Variants in EYS observed in about 807,000 individuals in gnomAD.
The protein encoded by EYS is EGF-like photoreceptor maintenance factor, also known as protein eyes shut homolog.
EYS carries 250 observed loss-of-function variants against 282.1 expected under a neutral mutation model. That is an observed-to-expected ratio of 0.89 (90% CI 0.80 to 0.98). EYS has a LOEUF of 0.98. Among genes scored for constraint, EYS ranks in the 50% least tolerant of loss-of-function variants. The pLI is 0.00. For synonymous variants in EYS, 1,355 were observed against 1,282.9 expected (o/e 1.06, Z -1.20); for missense variants, 4,016 against 3,709.0 (o/e 1.08, Z -2.15).
intron 33 of EYS, among the ~76,000 whole-genome samples, chr6:64,052,023 T>C (rs1363072247): frequency 6.6e-6 from 1 of 152,156 alleles, no homozygotes; most frequent in Non-Finnish European, 1.5e-5. Flanking sequence ...AGGCATGAAG[T>C]TTCTTCATCA....
intron 29 of EYS, among the ~76,000 whole-genome samples, chr6:64,308,697 T>A (rs1195698821): frequency 6.6e-6 from 1 of 152,072 alleles, no homozygotes; most frequent in Non-Finnish European, 1.5e-5. Context: ...AGGATTAATA[T>A]ATTTCACTTT....
intron 12 of EYS, among the ~76,000 whole-genome samples, chr6:65,103,695 T>C (rs1038469633): frequency 6.6e-6 from 1 of 151,484 alleles, no homozygotes; most frequent in Non-Finnish European, 1.5e-5. Flanking sequence ...CTTATCCCAT[T>C]AGATCTTTTT....
chr6:65,696,324 G>A (rs1180310413), intron 1 of EYS, among the ~76,000 whole-genome samples: 1 of 151,916 alleles, frequency 6.6e-6, no homozygotes, highest in Non-Finnish European at 1.5e-5. Flanking sequence ...GGTTAAAAAT[G>A]TAAACTGATT....
chr6:64,550,575 A>G lies in EYS; in HGVS notation c.5644+39648T>C, dbSNP rs1054006392. ...CACAAGACAGATGCCCTCTCTCACCACTCTTATTCAACATAATGTTGGAAG... is the reference window on the plus strand; with the variant it reads ...CACAAGACAGATGCCCTCTCTCACCGCTCTTATTCAACATAATGTTGGAAG... On this transcript the variant is annotated intron_variant, in intron 26 of 42. Transcript: ENST00000503581. 2.6e-5 allele frequency among the ~76,000 whole-genome samples: 4 copies of G among 151,886 alleles called. No homozygotes were observed. The East Asian group carries it at 7.7e-4, about 29-fold the overall frequency.
At chr6:64,112,288 C>T (rs112061633) in intron 31 of EYS, among the ~76,000 whole-genome samples, 53 of 152,086 alleles carry the variant, frequency 3.5e-4, no homozygotes, top group Admixed American at 9.8e-4. Flanking sequence ...TACCTGGACT[C>T]CATGCATTTT....
chr6:64,643,330 A>C (rs938808939), intron 22 of EYS, among the ~76,000 whole-genome samples: 2 of 152,216 alleles, frequency 1.3e-5, no homozygotes, highest in African/African-American at 4.8e-5. Context: ...TTTTACACCA[A>C]CCCAATACTT....
chr6:65,232,582 C>T (rs1016102367), intron 12 of EYS, among the ~76,000 whole-genome samples: 3 of 152,050 alleles, frequency 2.0e-5, no homozygotes, highest in Admixed American at 6.6e-5. Flanking sequence ...CCATATACCC[C>T]TCACCCAGTT....
chr6:63,846,787 T>C (rs894083161), intron 36 of EYS, among the ~76,000 whole-genome samples: 2 of 152,184 alleles, frequency 1.3e-5, no homozygotes, highest in Non-Finnish European at 2.9e-5. Flanking sequence ...CCACACACTA[T>C]CTTATTAGAA....
intron 30 of EYS, among the ~76,000 whole-genome samples, chr6:64,297,004 G>A (rs1315020969): frequency 6.6e-6 from 1 of 152,110 alleles, no homozygotes; most frequent in Non-Finnish European, 1.5e-5. Flanking sequence ...ATTAATTTTG[G>A]TCAGTTTCAG....
At chr6:65,350,516 A>G (rs1770558328) in intron 9 of EYS, among the ~76,000 whole-genome samples, 1 of 151,684 alleles carries the variant, frequency 6.6e-6, no homozygotes, top group South Asian at 2.1e-4. Flanking sequence ...TTTTAACTCT[A>G]TGTTTAACTT....
chr6:65,340,459 GA>G (rs1770156978), intron 10 of EYS, among the ~76,000 whole-genome samples: 1 of 151,010 alleles, frequency 6.6e-6, no homozygotes, highest in Admixed American at 6.6e-5. Flanking sequence ...AAAATACTGA[GA>G]AAAAGCAAGA....
At chr6:65,479,849 G>A (rs35018914) in intron 5 of EYS, among the ~76,000 whole-genome samples, 14,764 of 151,996 alleles carry the variant, frequency 0.097, 944 homozygotes, top group South Asian at 0.18. Flanking sequence ...GCTCATCAAA[G>A]TACATGGAAA....
chr6:65,449,309 T>A (rs1764314116), intron 5 of EYS, among the ~76,000 whole-genome samples: 1 of 152,144 alleles, frequency 6.6e-6, no homozygotes, highest in South Asian at 2.1e-4. Context: ...GACATTTCCC[T>A]TATTGGGATG....
At chr6:65,193,846 C>G (rs1765700481) in intron 12 of EYS, among the ~76,000 whole-genome samples, 1 of 151,726 alleles carries the variant, frequency 6.6e-6, no homozygotes. Context: ...GTCAACCAAA[C>G]CACCCGAGGA....
intron 31 of EYS, among the ~76,000 whole-genome samples, chr6:64,095,281 G>A (rs1408623979): frequency 7.9e-5 from 12 of 152,176 alleles, no homozygotes; most frequent in South Asian, 2.1e-4. Flanking sequence ...CATTTGGTGC[G>A]GAGTTGAGTT....
intron 41 of EYS, among the ~76,000 whole-genome samples, chr6:63,752,857 C>T (rs1012863912): frequency 1.3e-5 from 2 of 151,896 alleles, no homozygotes; most frequent in Admixed American, 6.6e-5. Context: ...AGTACCAGGA[C>T]GTAGTGCTCT....
chr6:65,401,786 G>C (rs946738707), intron 7 of EYS, among the ~76,000 whole-genome samples: 1 of 151,862 alleles, frequency 6.6e-6, no homozygotes, highest in Non-Finnish European at 1.5e-5. Context: ...CTGCCTTTAT[G>C]AATATTCTAA....
Position 65,495,224 on chromosome 6 carries a change from TTACACCCAA to T in EYS, c.178_186del (p.Leu60_Val62del). On this transcript the variant is annotated inframe_deletion, in exon 4 of 43. Coordinates refer to ENST00000503581, the MANE Select transcript of EYS (RefSeq NM_001142800.2). ...TTGCCTGAAGTATCTATTTTAGTGTTTACACCCAAAAACCAGCAATCTCTGTAGAAGTCC... is the reference window on the plus strand; with the variant it reads ...TTGCCTGAAGTATCTATTTTAGTGTTAAACCAGCAATCTCTGTAGAAGTCC... 6.2e-7 allele frequency: 1 copy of T among 1,614,164 alleles called. No homozygotes were observed. The highest frequency in any genetic ancestry group is 1.3e-5 in the African/African-American group (1 of 75,062).
At chr6:64,155,344 ATTT>A (rs5876880) in intron 31 of EYS, among the ~76,000 whole-genome samples, 1 of 146,576 alleles carries the variant, frequency 6.8e-6, no homozygotes. Flanking sequence ...GCAGCACATA[ATTT>A]TTTTTTTTTT....
Sources: allele counts gnomAD v4.1 joint callset (sites outside exome capture counted in the v4.1 genomes callset), GRCh38; gene constraint gnomAD v4.1.1; transcripts MANE v1.5; gene names NCBI Gene and HGNC (gene_info 2026-07-23, HGNC 2026-07-21).